Variants in CYSLTR1 observed in about 807,000 individuals in gnomAD.
CYSLTR1 encodes the protein G-protein coupled receptor HG55.
CYSLTR1 carries 1 observed loss-of-function variant against 2.1 expected under a neutral mutation model. That is an observed-to-expected ratio of 0.48 (90% CI 0.17 to 2.28). CYSLTR1 has a LOEUF of 2.28. CYSLTR1 is among the 30% of genes most tolerant of loss of function. CYSLTR1 has a pLI of 0.26. For missense variants in CYSLTR1, 299 were observed against 250.1 expected (o/e 1.20, Z -1.32); for synonymous variants, 110 against 89.6 (o/e 1.23, Z -1.28).
In CYSLTR1 at chrX:78,285,098, G is replaced by A. The variant is rs746035233; in HGVS notation, c.-114-1558C>T. Among the ~76,000 whole-genome samples, 3 of 111,289 alleles carry A rather than the reference G, an allele frequency of 2.7e-5. No individual in the cohort carries two copies. In the South Asian group the frequency reaches 1.1e-3, roughly 42 times the overall value. ...TTTGTTTAGCTTGTCCCGGGTCTCC[G>A]TACATCAATAAAGTTCTAGTGACTG... On this transcript the variant is annotated intron_variant, in intron 1 of 2. Transcript: ENST00000373304.
chrX:78,298,118 T>C (rs1283958996), intron 1 of CYSLTR1, among the ~76,000 whole-genome samples: 4 of 111,427 alleles, frequency 3.6e-5, no homozygotes, highest in Non-Finnish European at 7.6e-5. Context: ...TCCTTCTTAA[T>C]TGTTTCCTTG....
At chrX:78,316,803 A>T (rs1386576522) in intron 1 of CYSLTR1, among the ~76,000 whole-genome samples, 1 of 112,285 alleles carries the variant, frequency 8.9e-6, no homozygotes, top group African/African-American at 3.2e-5. Context: ...ATGAAACTGG[A>T]TCCTTGTCTT....
At chrX:78,293,473 G>C (rs1323211145) in intron 1 of CYSLTR1, among the ~76,000 whole-genome samples, 1 of 111,062 alleles carries the variant, frequency 9.0e-6, no homozygotes, top group Non-Finnish European at 1.9e-5. Context: ...TGCTCTTCTT[G>C]AGGAGTATCT....
chrX:78,317,313 A>C (rs1004265208), intron 1 of CYSLTR1, among the ~76,000 whole-genome samples: 2 of 112,522 alleles, frequency 1.8e-5, no homozygotes, highest in Non-Finnish European at 3.8e-5. Context: ...AGACTTAATT[A>C]AAAAATTAAA....
At chrX:78,283,168 A>G (rs1034774626) in intron 2 of CYSLTR1, among the ~76,000 whole-genome samples, 1 of 111,510 alleles carries the variant, frequency 9.0e-6, no homozygotes, top group Non-Finnish European at 1.9e-5. Flanking sequence ...CCTCCACTAG[A>G]TGAATACAGA....
At chrX:78,321,616 G>T (rs1439341311) in intron 1 of CYSLTR1, 1 of 108,880 alleles carries the variant, frequency 9.2e-6, no homozygotes, top group Non-Finnish European at 1.9e-5. Flanking sequence ...CTTGAACCCG[G>T]GAGGCGGAGG....
rs1368433526 is a variant in CYSLTR1, at chrX:78,271,501, T to C, written c.*1232A>G. The C allele has an allele frequency of 9.0e-6, 1 of 111,341 alleles. No individual in the cohort carries two copies. The highest frequency in any genetic ancestry group is 3.3e-5 in the African/African-American group (1 of 30,686). 9.2% of individuals were successfully genotyped at this position (111,341 alleles called of 1,213,427 possible). On this transcript the variant is annotated 3_prime_UTR_variant, in exon 3 of 3. Coordinates refer to ENST00000373304, the MANE Select transcript of CYSLTR1 (RefSeq NM_006639.4). ...TTATAGTTATTTATTTCTTCTGAGG[T>C]AAGTTACTTTTTAAAAAACAAACTT...
At chrX:78,313,997 G>C (rs1258188479) in intron 1 of CYSLTR1, among the ~76,000 whole-genome samples, 1 of 111,801 alleles carries the variant, frequency 8.9e-6, no homozygotes, top group Non-Finnish European at 1.9e-5. Context: ...ACAGCTAATA[G>C]ATTCTGGCTC....
chrX:78,294,385 T>A (rs773933708), intron 1 of CYSLTR1, among the ~76,000 whole-genome samples: 3 of 112,564 alleles, frequency 2.7e-5, no homozygotes, highest in Non-Finnish European at 5.6e-5. Context: ...GTATGAGGTG[T>A]CTGTCGGCCC....
At chrX:78,288,504 C>T (rs1330754780) in intron 1 of CYSLTR1, among the ~76,000 whole-genome samples, 3 of 109,052 alleles carry the variant, frequency 2.8e-5, no homozygotes, top group Non-Finnish European at 5.7e-5. Context: ...TTGATAATTT[C>T]CATTTGTTGC....
intron 2 of CYSLTR1, among the ~76,000 whole-genome samples, chrX:78,277,671 C>A (rs1250308220): frequency 1.8e-5 from 2 of 111,472 alleles, no homozygotes; most frequent in Non-Finnish European, 3.8e-5. Context: ...GAATCTCGGA[C>A]CCCTGAAAGT....
At chrX:78,313,714 C>T (rs746263514) in intron 1 of CYSLTR1, among the ~76,000 whole-genome samples, 22 of 110,037 alleles carry the variant, frequency 2.0e-4, no homozygotes, top group African/African-American at 6.3e-4. Flanking sequence ...AGGCCCTGGA[C>T]GTGGGCATGG....
At chrX:78,322,155 C>A (rs1421138188) in intron 1 of CYSLTR1, among the ~76,000 whole-genome samples, 1 of 111,245 alleles carries the variant, frequency 9.0e-6, no homozygotes, top group African/African-American at 3.3e-5. Context: ...TTGACCAACT[C>A]CCCAGTGCCC....
Position 78,304,941 on chromosome X carries a change from G to A in CYSLTR1, c.-114-21401C>T, listed in dbSNP as rs151336282. 3.9e-3 allele frequency among the ~76,000 whole-genome samples: 439 copies of A among 111,537 alleles called. 1 individual carries two copies. The highest frequency in any genetic ancestry group is 0.014 in the African/African-American group (419 of 30,703). On this transcript the variant is annotated intron_variant, in intron 1 of 2. Coordinates refer to ENST00000373304, the MANE Select transcript of CYSLTR1 (RefSeq NM_006639.4). ...ATTTCTAAGCCTTCTCCCTGTAATC[G>A]GTTACAGAAATAAAAGCTCTCTTCC...
At position 78,273,150 on chromosome X, in the gene CYSLTR1, G is replaced by A. The variant is rs752138528; in HGVS notation, c.597C>T (p.Ile199=). 14 of 1,207,410 alleles carry A rather than the reference G, an allele frequency of 1.2e-5. No homozygotes were observed. The highest frequency in any genetic ancestry group is 1.3e-5 in the Non-Finnish European group (12 of 893,909). The change falls in exon 3 of 3, where the codon ATC becomes ATT. Residue 199 remains isoleucine (I), a synonymous_variant. Coordinates refer to ENST00000373304, the MANE Select transcript of CYSLTR1 (RefSeq NM_006639.4). ...LHYVSLFVGF[I]IPFVIIIVCY... is the part of the protein sequence containing the mutation. Reference sequence around the variant, plus strand: ...AGACAATTATAATAACAAAAGGGATGATAAAGCCAACAAACAATGACACAT... The same window carrying A: ...AGACAATTATAATAACAAAAGGGATAATAAAGCCAACAAACAATGACACAT...
intron 1 of CYSLTR1, among the ~76,000 whole-genome samples, chrX:78,298,797 G>T (rs976643251): frequency 9.0e-6 from 1 of 111,192 alleles, no homozygotes; most frequent in African/African-American, 3.3e-5. Flanking sequence ...GTAAGCATCA[G>T]GTCAATGGAT....
chrX:78,283,034 T>C (rs1159994868), intron 2 of CYSLTR1, among the ~76,000 whole-genome samples: 1 of 112,438 alleles, frequency 8.9e-6, no homozygotes, highest in Non-Finnish European at 1.9e-5. Context: ...AAGCAAGTAG[T>C]GAATCCTAGA....
At chrX:78,310,497 C>T (rs757898177) in intron 1 of CYSLTR1, among the ~76,000 whole-genome samples, 1 of 112,110 alleles carries the variant, frequency 8.9e-6, no homozygotes, top group African/African-American at 3.2e-5. Context: ...GATGGATTAG[C>T]CACTTAATAT....
At position 78,272,787 on chromosome X, in the gene CYSLTR1, T is replaced by A. The variant is rs200013054; in HGVS notation, c.960A>T (p.Val320=). 19 of 1,210,678 alleles carry A rather than the reference T, an allele frequency of 1.6e-5. No individual in the cohort carries two copies. Among genetic ancestry groups the A allele is most frequent in the Non-Finnish European group, 2.0e-5 (18 of 895,054 alleles). ...RKHSLSSVTY[V]PRKKASLPEK... Reference sequence around the variant, plus strand: ...CTGGCAAAGAGGCCTTCTTTCTGGGTACATAAGTCACGCTGGACAAAGAAT... The same window carrying A: ...CTGGCAAAGAGGCCTTCTTTCTGGGAACATAAGTCACGCTGGACAAAGAAT... Residue 320 remains valine, a synonymous_variant, in exon 3 of 3, where the codon GTA becomes GTT. Transcript: ENST00000373304.
Sources: allele counts gnomAD v4.1 joint callset (sites outside exome capture counted in the v4.1 genomes callset), GRCh38; gene constraint gnomAD v4.1.1; transcripts MANE v1.5; gene names NCBI Gene and HGNC (gene_info 2026-07-23, HGNC 2026-07-21).